Variants in RORA observed in about 807,000 individuals in gnomAD.
RORA encodes RAR related orphan receptor A.
In RORA, 7 loss-of-function variants were observed where a neutral mutation model predicts 69.5. That is an observed-to-expected ratio of 0.10 (90% CI 0.06 to 0.19). RORA has a LOEUF of 0.19. Ranked by LOEUF, RORA falls within the 10% of genes least tolerant of loss-of-function variation. The pLI is 1.00. For synonymous variants in RORA, 261 were observed against 240.8 expected, an observed-to-expected ratio of 1.08 and a Z score of -0.78; for missense variants, 457 against 663.0, an observed-to-expected ratio of 0.69 and a Z score of 3.41.
chr15:61,199,300 A>T (rs1400249989), intron 1 of RORA, among the ~76,000 whole-genome samples: 1 of 152,218 alleles, frequency 6.6e-6, no homozygotes, highest in Non-Finnish European at 1.5e-5. Flanking sequence ...TCTTTTCCTC[A>T]TGGACTCCTG....
At chr15:60,571,328 T>C (rs1741425760) in intron 2 of RORA, among the ~76,000 whole-genome samples, 1 of 152,128 alleles carries the variant, frequency 6.6e-6, no homozygotes, top group African/African-American at 2.4e-5. Context: ...TGTTTTTGTG[T>C]GTGTGTGTGT....
In RORA at chr15:60,775,865, A is replaced by G. The variant is rs538305969; in HGVS notation, c.167-97179T>C. Among the ~76,000 whole-genome samples the G allele has an allele frequency of 7.2e-5, 11 of 152,308 alleles. 1 individual carries two copies. In the East Asian group the frequency reaches 1.9e-3, roughly 27 times the overall value. On this transcript the variant is annotated intron_variant, in intron 1 of 10. Transcript: ENST00000335670. ...GTCTTGTGAAGCACCCCGTCCTTTC[A>G]TGGCTGGGTCATTATGGAATACAAT...
chr15:60,939,484 C>A (rs970633602), intron 1 of RORA, among the ~76,000 whole-genome samples: 1 of 152,306 alleles, frequency 6.6e-6, no homozygotes, highest in East Asian at 1.9e-4. Flanking sequence ...TCCTGAGGTA[C>A]CTGTGATAAT....
chr15:61,178,702 T>C (rs1336705800), intron 1 of RORA, among the ~76,000 whole-genome samples: 4 of 152,234 alleles, frequency 2.6e-5, no homozygotes, highest in South Asian at 4.1e-4. Context: ...TGCAATTCTT[T>C]CAATATATAC....
intron 2 of RORA, among the ~76,000 whole-genome samples, chr15:60,660,403 T>A (rs1240489749): frequency 2.6e-5 from 4 of 152,214 alleles, no homozygotes; most frequent in African/African-American, 9.6e-5. Flanking sequence ...TCTTACACCA[T>A]TCCTAGGAAG....
intron 1 of RORA, among the ~76,000 whole-genome samples, chr15:61,158,212 G>T (rs773923482): frequency 6.6e-6 from 1 of 152,154 alleles, no homozygotes; most frequent in African/African-American, 2.4e-5. Flanking sequence ...TGGAGTGCTC[G>T]AAGTGACAGT....
chr15:60,555,174 A>G (rs576453253), intron 2 of RORA, among the ~76,000 whole-genome samples: 31 of 152,272 alleles, frequency 2.0e-4, no homozygotes, highest in Non-Finnish European at 3.4e-4. Flanking sequence ...GTATCCTGGG[A>G]GCACACCAGG....
At chr15:60,974,951 T>C (rs929546244) in intron 1 of RORA, among the ~76,000 whole-genome samples, 1 of 152,208 alleles carries the variant, frequency 6.6e-6, no homozygotes, top group Non-Finnish European at 1.5e-5. Context: ...CAAGCAACAC[T>C]GTTCGGCTGG....
At chr15:60,846,108 A>G (rs1201840280) in intron 1 of RORA, among the ~76,000 whole-genome samples, 1 of 152,220 alleles carries the variant, frequency 6.6e-6, no homozygotes, top group African/African-American at 2.4e-5. Context: ...CTTGAGGTCC[A>G]GAGAGATAAA....
At chr15:60,703,602 T>C (rs2071017013) in intron 1 of RORA, among the ~76,000 whole-genome samples, 2 of 152,150 alleles carry the variant, frequency 1.3e-5, no homozygotes, top group South Asian at 4.1e-4. Flanking sequence ...GTTTTACTAC[T>C]AGAGCTAGGA....
intron 1 of RORA, among the ~76,000 whole-genome samples, chr15:60,811,748 G>A (rs576726716): frequency 6.6e-6 from 1 of 152,226 alleles, no homozygotes; most frequent in South Asian, 2.1e-4. Context: ...CATCTCTGCA[G>A]AACCGGTCCT....
At chr15:60,917,610 G>A (rs1004827962) in intron 1 of RORA, among the ~76,000 whole-genome samples, 1 of 152,212 alleles carries the variant, frequency 6.6e-6, no homozygotes, top group Non-Finnish European at 1.5e-5. Context: ...AACGTCGGCC[G>A]AGGGGCAGCT....
At chr15:60,591,701 G>A (rs570800831) in intron 2 of RORA, among the ~76,000 whole-genome samples, 2 of 152,290 alleles carry the variant, frequency 1.3e-5, no homozygotes, top group Non-Finnish European at 2.9e-5. Flanking sequence ...TGTCAAGCGG[G>A]GTGCGCCGCG....
At chr15:60,931,936 A>G (rs951912930) in intron 1 of RORA, among the ~76,000 whole-genome samples, 1 of 152,246 alleles carries the variant, frequency 6.6e-6, no homozygotes, top group Non-Finnish European at 1.5e-5. Context: ...GCAGCTAAAC[A>G]TAATGAAATG....
chr15:61,024,663 C>T (rs1895710845), intron 1 of RORA, among the ~76,000 whole-genome samples: 1 of 152,034 alleles, frequency 6.6e-6, no homozygotes, highest in Admixed American at 6.6e-5. Context: ...GTTGGTCAGG[C>T]TGGTCTTGAA....
At chr15:60,610,674 T>G (rs537651322) in intron 2 of RORA, among the ~76,000 whole-genome samples, 1 of 152,040 alleles carries the variant, frequency 6.6e-6, no homozygotes, top group East Asian at 1.9e-4. Context: ...TTGCTGTTAC[T>G]AAGTAGGCAG....
At chr15:60,711,895 C>T (rs1274712771) in intron 1 of RORA, among the ~76,000 whole-genome samples, 1 of 152,148 alleles carries the variant, frequency 6.6e-6, no homozygotes, top group Non-Finnish European at 1.5e-5. Flanking sequence ...ACAGCAAATT[C>T]CTTAGCCTTC....
chr15:61,160,829 A>G (rs2079488641), intron 1 of RORA, among the ~76,000 whole-genome samples: 1 of 152,176 alleles, frequency 6.6e-6, no homozygotes, highest in African/African-American at 2.4e-5. Flanking sequence ...AGTGAACACA[A>G]AGAAAATTCT....
At chr15:60,580,499 T>G (rs1244806165) in intron 2 of RORA, among the ~76,000 whole-genome samples, 2 of 152,224 alleles carry the variant, frequency 1.3e-5, no homozygotes, top group Non-Finnish European at 2.9e-5. Context: ...TTAGGTGAAG[T>G]TAGAGTTGCC....
Sources: gnomAD v4.1 joint callset for allele counts (sites outside exome capture counted in the v4.1 genomes callset) on GRCh38, gnomAD v4.1.1 for gene constraint, MANE v1.5 for transcripts, NCBI Gene and HGNC (gene_info 2026-07-23, HGNC 2026-07-21) for gene names.